Variants in TINAGL1 observed in about 807,000 individuals in gnomAD.
The protein encoded by TINAGL1 is tubulointerstitial nephritis antigen like 1.
In TINAGL1, 34 loss-of-function variants were observed where a neutral mutation model predicts 62.0. The ratio of observed to expected loss-of-function variants is 0.55; its 90% CI spans 0.42 to 0.73. TINAGL1 has a LOEUF of 0.73. Among genes scored for constraint, TINAGL1 ranks in the 30% least tolerant of loss-of-function variants. The pLI is 0.00. For synonymous variants in TINAGL1, 221 were observed against 249.7 expected, an observed-to-expected ratio of 0.88 and a Z score of 1.08; for missense variants, 516 against 653.2, an observed-to-expected ratio of 0.79 and a Z score of 2.29.
At position 31,579,004 on chromosome 1, in the gene TINAGL1, G is replaced by GTC. The variant is rs1308865573; in HGVS notation, c.311-199_311-198insCT. Among the ~76,000 whole-genome samples the GTC allele has an allele frequency of 1.4e-5, 2 of 145,660 alleles. 1 individual carries two copies. Among genetic ancestry groups the GTC allele is most frequent in the African/African-American group, 5.1e-5 (2 of 39,472 alleles). On this transcript the variant is annotated intron_variant, in intron 2 of 11. Transcript: ENST00000271064. ...GTTTAATTTTAGTGACAGCTGGTGT[G>GTC]TGTGTGTGTGTGTGTGTGTGATGTC...
chr1:31,585,191 C>T lies in TINAGL1; in HGVS notation c.898C>T (p.Arg300Ter), dbSNP rs1470717148. Residue 300 changes from arginine to a stop codon, truncating the protein, a stop_gained, in exon 8 of 12, where the codon CGA becomes TGA. Transcript: ENST00000271064. LOFTEE classifies it high-confidence loss of function. This position sits in a 1 kb window ranked among gnomAD's most constrained non-coding sequence, Gnocchi z 4.3. ...DHCYPFSGRE[R>*]DEAGPAPPCM... Reference sequence around the variant, plus strand: ...CTGCTACCCCTTCTCGGGCCGTGAACGAGACGAGGCTGGCCCTGCGCCCCC... The same window carrying T: ...CTGCTACCCCTTCTCGGGCCGTGAATGAGACGAGGCTGGCCCTGCGCCCCC... The T allele has an allele frequency of 1.9e-6, 3 of 1,600,512 alleles. No individual in the cohort carries two copies. Among genetic ancestry groups the T allele is most frequent in the Non-Finnish European group, 1.7e-6 (2 of 1,172,508 alleles).
rs1639137552 is a variant in TINAGL1 at position 31,579,287 on chromosome 1, A to T, written c.374+20A>T. ...CCGTTGGTGAGTGTTTGGAGCTTAG[A>T]GGGGTCTTGCTTTGTGAGCCTGTGG... On this transcript the variant is annotated intron_variant, in intron 3 of 11. Coordinates refer to ENST00000271064, the MANE Select transcript of TINAGL1 (RefSeq NM_022164.3). 1 of 1,611,758 alleles carries T rather than the reference A, an allele frequency of 6.2e-7. No homozygotes were observed. Among genetic ancestry groups the T allele is most frequent in the African/African-American group, 1.3e-5 (1 of 74,862 alleles).
Position 31,585,636 on chromosome 1 carries a change from G to A in TINAGL1, c.1094-117G>A. The stretch of plus-strand genomic sequence containing the variant: ...CCCTCCCACAGGCAGCACCTGGAGG[G>A]AGCACTTAGAGCTTTGGTATGGAGG... On this transcript the variant is annotated intron_variant, in intron 9 of 11. Transcript: ENST00000271064. The surrounding 1 kb of genome is among the most constrained non-coding windows in gnomAD (Gnocchi z 4.3). The A allele has an allele frequency of 1.3e-6, 2 of 1,533,656 alleles. No individual in the cohort carries two copies. Among genetic ancestry groups the A allele is most frequent in the Non-Finnish European group, 8.8e-7 (1 of 1,137,558 alleles).
Position 31,583,035 on chromosome 1 carries a change from T to C in TINAGL1, c.375-114T>C. The C allele has an allele frequency of 1.1e-6, 1 of 877,796 alleles. No individual in the cohort carries two copies. Among genetic ancestry groups the C allele is most frequent in the Non-Finnish European group, 1.9e-6 (1 of 524,186 alleles). The allele number at this position is 877,796 out of a possible 1,614,324, so 54.4% of individuals were successfully genotyped here. A position where few individuals can be genotyped will look rare whatever the true frequency, so the allele number is the denominator to read the frequency against. Reference sequence around the variant, plus strand: ...AGGCTGGATGGGATCACCTAGAGATTCTCCCACAGTCACTTGCACAGACTC... The same window carrying C: ...AGGCTGGATGGGATCACCTAGAGATCCTCCCACAGTCACTTGCACAGACTC... On this transcript the variant is annotated intron_variant, in intron 3 of 11. Coordinates refer to ENST00000271064, the MANE Select transcript of TINAGL1 (RefSeq NM_022164.3). This position sits in a 1 kb window ranked among gnomAD's most constrained non-coding sequence, Gnocchi z 4.4.
In TINAGL1 at chr1:31,577,082, T is replaced by C; in HGVS notation, c.-15-52T>C. On this transcript the variant is annotated intron_variant, in intron 1 of 11. Transcript: ENST00000271064. This position sits in a 1 kb window ranked among gnomAD's most constrained non-coding sequence, Gnocchi z 5.4. Reference sequence around the variant, plus strand: ...TCACAGCTCCAGGAAACTGGGAGACTCATCCCTGGTGTTCCAGGGAGTCTC... The same window carrying C: ...TCACAGCTCCAGGAAACTGGGAGACCCATCCCTGGTGTTCCAGGGAGTCTC... 7.2e-7 allele frequency: 1 copy of C among 1,388,788 alleles called. No homozygotes were observed. Among genetic ancestry groups the C allele is most frequent in the Non-Finnish European group, 9.5e-7 (1 of 1,057,940 alleles). 86.0% of individuals were successfully genotyped at this position (1,388,788 alleles called of 1,614,324 possible).
At chr1:31,581,148 A>T (rs1639233701) in intron 3 of TINAGL1, among the ~76,000 whole-genome samples, 1 of 152,044 alleles carries the variant, frequency 6.6e-6, no homozygotes, top group Non-Finnish European at 1.5e-5. Context: ...CGTCCCAAGG[A>T]GGTGCAGGCC....
Position 31,587,279 on chromosome 1 carries a change from A to C in TINAGL1, c.*300A>C. On this transcript the variant is annotated 3_prime_UTR_variant, in exon 12 of 12. Transcript: ENST00000271064. ...CACTCAAGACTACCAAAGCCAGGAC[A>C]CCTCAAGTCTCCAGCCCCACTACCC... 3.5e-6 allele frequency: 1 copy of C among 287,944 alleles called. No individual in the cohort carries two copies. The highest frequency in any genetic ancestry group is 6.0e-5 in the East Asian group (1 of 16,744). 17.8% of individuals were successfully genotyped at this position (287,944 alleles called of 1,614,324 possible).
In TINAGL1 at chr1:31,585,340, C is replaced by T. The variant is rs201061064; in HGVS notation, c.1047C>T (p.Asn349=). 17 of 1,603,898 alleles carry T rather than the reference C, an allele frequency of 1.1e-5. No individual in the cohort carries two copies. Among genetic ancestry groups the T allele is most frequent in the African/African-American group, 1.3e-5 (1 of 74,856 alleles). ...QVTPVYRLGS[N]DKEIMKELME... is the part of the protein sequence containing the mutation. ...CTCCTGTCTACCGCCTCGGCTCCAACGTAAGTCAGCACTTGGGTGAGGGCG... is the reference window on the plus strand; with the variant it reads ...CTCCTGTCTACCGCCTCGGCTCCAATGTAAGTCAGCACTTGGGTGAGGGCG... The change falls in exon 8 of 12, where the codon AAC becomes AAT. Residue 349 remains asparagine, a splice_region_variant and synonymous_variant. Transcript: ENST00000271064. This position sits in a 1 kb window ranked among gnomAD's most constrained non-coding sequence, Gnocchi z 4.3.
rs779255391 is a variant in TINAGL1, at chr1:31,585,440, G to A, written c.1048G>A (p.Asp350Asn). The A allele has an allele frequency of 6.3e-5, 102 of 1,614,050 alleles. No individual in the cohort carries two copies. The highest frequency in any genetic ancestry group is 8.1e-5 in the Non-Finnish European group (95 of 1,180,024). ...TCTCTGTCCATCCCCTGCCCTCCAG[G>A]ACAAGGAGATCATGAAGGAGCTGAT... is the stretch of plus-strand genomic sequence containing the variant. ...VTPVYRLGSN[D>N]KEIMKELMEN... The change falls in exon 9 of 12, where the codon GAC (aspartate) becomes AAC (asparagine). Residue 350 changes from aspartate (D) to asparagine (N), a missense_variant and splice_region_variant. Coordinates refer to ENST00000271064, the MANE Select transcript of TINAGL1 (RefSeq NM_022164.3). The surrounding 1 kb of genome is among the most constrained non-coding windows in gnomAD (Gnocchi z 4.3).
intron 2 of TINAGL1, among the ~76,000 whole-genome samples, chr1:31,578,966 G>A (rs1341905439): frequency 9.2e-6 from 1 of 108,882 alleles, no homozygotes; most frequent in African/African-American, 3.5e-5. Flanking sequence ...TGTGTGTGAT[G>A]CCTTCAGTTA....
rs1270847565 is a variant in TINAGL1, at chr1:31,583,655, T to C, written c.582+80T>C. 7.9e-7 allele frequency: 1 copy of C among 1,271,488 alleles called. No individual in the cohort carries two copies. The highest frequency in any genetic ancestry group is 1.1e-6 in the Non-Finnish European group (1 of 904,400). The allele number at this position is 1,271,488 out of a possible 1,614,324, so 78.8% of individuals were successfully genotyped here. On this transcript the variant is annotated intron_variant, in intron 5 of 11. Transcript: ENST00000271064. The surrounding 1 kb of genome is among the most constrained non-coding windows in gnomAD (Gnocchi z 4.4). ...GGATGCTGGCCCTGTGCCCTGCTCCTCCAAGGGCCTGGACCATCCCCTACT... is the reference window on the plus strand; with the variant it reads ...GGATGCTGGCCCTGTGCCCTGCTCCCCCAAGGGCCTGGACCATCCCCTACT...
chr1:31,577,202 G>C lies in TINAGL1; in HGVS notation c.54G>C (p.Leu18Phe). Residue 18 changes from leucine (L) to phenylalanine (F), a missense_variant, in exon 2 of 12, where the codon TTG becomes TTC. Transcript: ENST00000271064. The surrounding 1 kb of genome is among the most constrained non-coding windows in gnomAD (Gnocchi z 5.4). ...TGTTGCTGCCGCTGGCTGGCCACTT[G>C]GCTCTGGGTGCCCAGCAGGGTCGTG... ...LLLLLPLAGH[L>F]ALGAQQGRGR... 6.3e-7 allele frequency: 1 copy of C among 1,592,976 alleles called. No individual in the cohort carries two copies. The highest frequency in any genetic ancestry group is 1.1e-5 in the South Asian group (1 of 89,248).
At position 31,579,236 on chromosome 1, in the gene TINAGL1, T is replaced by C; in HGVS notation, c.343T>C (p.Leu115=). The part of the protein sequence containing the change: ...CMHGGRIYPV[L]GTYWDNCNRC... The stretch of plus-strand genomic sequence containing the variant: ...GCATGGAGGTCGTATCTATCCAGTC[T>C]TGGGAACGTACTGGGACAACTGTAA... The change falls in exon 3 of 12, where the codon TTG becomes CTG. Residue 115 remains leucine, a synonymous_variant. Transcript: ENST00000271064. The C allele has an allele frequency of 6.2e-7, 1 of 1,614,120 alleles. No individual in the cohort carries two copies. Among genetic ancestry groups the C allele is most frequent in the Non-Finnish European group, 8.5e-7 (1 of 1,179,978 alleles).
chr1:31,586,008 G>A (rs748266805), intron 10 of TINAGL1, 132 bp downstream of exon 10: 40 of 1,263,386 alleles, frequency 3.2e-5, no homozygotes, highest in Non-Finnish European at 4.1e-5. Flanking sequence ...GGAGAAAACT[G>A]AGACTCAGAA....
At chr1:31,580,079 GTGT>G (rs1461835817) in intron 3 of TINAGL1, among the ~76,000 whole-genome samples, 6 of 152,104 alleles carry the variant, frequency 3.9e-5, no homozygotes, top group Non-Finnish European at 8.8e-5. Flanking sequence ...GTGTGTGTGT[GTGT>G]GTGTTCAAAA....
At chr1:31,580,515 A>T in intron 3 of TINAGL1, 1 of 1,289,264 alleles carries the variant, frequency 7.8e-7, no homozygotes. Context: ...GAGGGGGAAC[A>T]GCCTGGTGTG....
chr1:31,581,704 A>C (rs945214), intron 3 of TINAGL1, among the ~76,000 whole-genome samples: 1 of 152,122 alleles, frequency 6.6e-6, no homozygotes, highest in Non-Finnish European at 1.5e-5. Context: ...TTAATGATGG[A>C]CCAGGCCCAG....
intron 2 of TINAGL1, chr1:31,578,038 G>T (rs187540453): frequency 1.1e-4 from 49 of 426,642 alleles, no homozygotes; most frequent in African/African-American, 1.0e-3. Context: ...CCTTCTCTGG[G>T]CCTTGGCTTC....
chr1:31,583,356 G>A lies in TINAGL1; in HGVS notation c.468-105G>A. On this transcript the variant is annotated intron_variant, in intron 4 of 11. Transcript: ENST00000271064. The surrounding 1 kb of genome is among the most constrained non-coding windows in gnomAD (Gnocchi z 4.4). The stretch of plus-strand genomic sequence containing the variant: ...GCCACTCCTACACCCAGATTTGACT[G>A]TGTGTGCGCTCAGCCACTGTGCGTC... 1.4e-6 allele frequency: 2 copies of A among 1,466,492 alleles called. No individual in the cohort carries two copies. 90.8% of individuals were successfully genotyped at this position (1,466,492 alleles called of 1,614,324 possible).
Sources: allele counts gnomAD v4.1 joint callset (sites outside exome capture counted in the v4.1 genomes callset), GRCh38; gene constraint gnomAD v4.1.1; non-coding constraint Gnocchi (gnomAD v3.1); transcripts MANE v1.5; gene names NCBI Gene and HGNC (gene_info 2026-07-23, HGNC 2026-07-21).